The following CAMKMT variants were observed in gnomAD, a reference collection of about 807,000 sequenced individuals.
The protein encoded by CAMKMT is calmodulin-lysine N-methyltransferase, also known as CaM KMT.
In CAMKMT, 53 loss-of-function variants were observed where a neutral mutation model predicts 48.0. That is an observed-to-expected ratio of 1.10 (90% confidence interval 0.89 to 1.39). The LOEUF (loss-of-function observed/expected upper bound fraction) is 1.39. CAMKMT is among the 40% of genes most tolerant of loss of function. CAMKMT has a pLI of 0.00. For missense variants in CAMKMT, 428 were observed against 402.7 expected (o/e 1.06, Z -0.54); for synonymous variants, 165 against 152.3 (o/e 1.08, Z -0.61).
At chr2:44,542,054 G>A (rs1040303761) in intron 3 of CAMKMT, among the ~76,000 whole-genome samples, 9 of 151,684 alleles carry the variant, frequency 5.9e-5, no homozygotes, top group Non-Finnish European at 8.8e-5. Context: ...GCTTGAAACC[G>A]GGAGGCGGAG....
intron 3 of CAMKMT, among the ~76,000 whole-genome samples, chr2:44,579,140 T>G (rs982327728): frequency 2.0e-5 from 3 of 152,208 alleles, no homozygotes; most frequent in African/African-American, 7.2e-5. Context: ...TAAACTGATA[T>G]CAGCTACCAT....
chr2:44,400,132 T>C (rs1253582990), intron 3 of CAMKMT, among the ~76,000 whole-genome samples: 1 of 152,208 alleles, frequency 6.6e-6, no homozygotes, highest in Non-Finnish European at 1.5e-5. Flanking sequence ...CACAAGTGTA[T>C]TTATATTTGA....
chr2:44,606,399 A>G (rs951215162), intron 3 of CAMKMT, among the ~76,000 whole-genome samples: 4 of 152,190 alleles, frequency 2.6e-5, no homozygotes, highest in Non-Finnish European at 5.9e-5. Context: ...AGAGAGTCAA[A>G]GGTCTTTTAG....
At chr2:44,633,878 G>T (rs1350020794) in intron 3 of CAMKMT, among the ~76,000 whole-genome samples, 1 of 152,042 alleles carries the variant, frequency 6.6e-6, no homozygotes, top group Non-Finnish European at 1.5e-5. Context: ...TTGGTAGTCA[G>T]TTAAGCTACT....
chr2:44,675,834 C>G (rs1296682762), intron 3 of CAMKMT, among the ~76,000 whole-genome samples: 1 of 152,062 alleles, frequency 6.6e-6, no homozygotes, highest in Non-Finnish European at 1.5e-5. Flanking sequence ...TCCATTCTCC[C>G]CTCCCCCAGC....
At chr2:44,617,286 T>A (rs1454187006) in intron 3 of CAMKMT, among the ~76,000 whole-genome samples, 5 of 152,202 alleles carry the variant, frequency 3.3e-5, no homozygotes, top group Admixed American at 6.5e-5. Context: ...CAGGAGTTTT[T>A]AATCTCATTG....
chr2:44,600,338 C>T (rs1001017051), intron 3 of CAMKMT, among the ~76,000 whole-genome samples: 4 of 151,936 alleles, frequency 2.6e-5, no homozygotes, highest in Non-Finnish European at 4.4e-5. Context: ...ACCATCATAG[C>T]TCACTACACC....
intron 3 of CAMKMT, among the ~76,000 whole-genome samples, chr2:44,419,185 C>G (rs1269730635): frequency 1.3e-5 from 2 of 152,184 alleles, no homozygotes; most frequent in African/African-American, 4.8e-5. Context: ...TCCGTCGCAG[C>G]TAAGGTGCTA....
chr2:44,514,113 A>G (rs1670715443), intron 3 of CAMKMT, among the ~76,000 whole-genome samples: 1 of 152,026 alleles, frequency 6.6e-6, no homozygotes, highest in Admixed American at 6.6e-5. Context: ...AAAAAAAAAA[A>G]AAAAGAAAAT....
intron 3 of CAMKMT, among the ~76,000 whole-genome samples, chr2:44,483,299 A>G (rs1669064445): frequency 6.6e-6 from 1 of 152,188 alleles, no homozygotes; most frequent in East Asian, 1.9e-4. Context: ...AACAATGATG[A>G]GATCAAAATT....
At chr2:44,757,157 C>T (rs1049647821) in intron 9 of CAMKMT, among the ~76,000 whole-genome samples, 8 of 152,206 alleles carry the variant, frequency 5.3e-5, no homozygotes, top group African/African-American at 1.7e-4. Flanking sequence ...TGCTGTAGAA[C>T]TTATCAAGGT....
chr2:44,763,781 C>A (rs1680717025), intron 9 of CAMKMT, among the ~76,000 whole-genome samples: 8 of 152,168 alleles, frequency 5.3e-5, no homozygotes, highest in Admixed American at 5.2e-4. Context: ...TACAGCTTAC[C>A]CCAACCAGGG....
intron 1 of CAMKMT, among the ~76,000 whole-genome samples, chr2:44,364,231 C>T (rs1158812525): frequency 2.0e-5 from 3 of 152,106 alleles, no homozygotes; most frequent in Admixed American, 1.3e-4. Flanking sequence ...TGACAAGTTT[C>T]AGCTGTGGCT....
chr2:44,519,891 A>G (rs932710686), intron 3 of CAMKMT, among the ~76,000 whole-genome samples: 2 of 152,086 alleles, frequency 1.3e-5, no homozygotes, highest in African/African-American at 4.8e-5. Context: ...ACAGGTGCAC[A>G]GCATCATTTC....
chr2:44,658,134 G>A (rs575843408), intron 3 of CAMKMT, among the ~76,000 whole-genome samples: 25 of 152,264 alleles, frequency 1.6e-4, no homozygotes, highest in African/African-American at 4.8e-4. Context: ...GTAAAGCACC[G>A]ACGTCATTCT....
intron 3 of CAMKMT, among the ~76,000 whole-genome samples, chr2:44,461,233 A>G (rs1287850800): frequency 6.6e-6 from 1 of 152,172 alleles, no homozygotes; most frequent in African/African-American, 2.4e-5. Flanking sequence ...TGTAATCCAG[A>G]CTGACATCTC....
intron 3 of CAMKMT, among the ~76,000 whole-genome samples, chr2:44,599,037 A>G (rs1422439184): frequency 2.0e-5 from 3 of 152,054 alleles, no homozygotes; most frequent in Non-Finnish European, 4.4e-5. Flanking sequence ...TAAATCTTTT[A>G]GCAAGGTAGA....
At chr2:44,423,564 A>G (rs1481374517) in intron 3 of CAMKMT, among the ~76,000 whole-genome samples, 1 of 152,190 alleles carries the variant, frequency 6.6e-6, no homozygotes, top group African/African-American at 2.4e-5. Context: ...CAGAGATGCC[A>G]TCTTATAAAT....
intron 3 of CAMKMT, among the ~76,000 whole-genome samples, chr2:44,396,201 C>T (rs1681824353): frequency 1.3e-5 from 2 of 152,032 alleles, no homozygotes; most frequent in Non-Finnish European, 2.9e-5. Context: ...ATATTGAAAT[C>T]AAGAAGGTCC....
Sources: gnomAD v4.1 joint callset for allele counts (sites outside exome capture counted in the v4.1 genomes callset) on GRCh38, gnomAD v4.1.1 for gene constraint, MANE v1.5 for transcripts, NCBI Gene and HGNC (gene_info 2026-07-23, HGNC 2026-07-21) for gene names.